STPG2: variants seen among roughly 807,000 people sequenced by gnomAD.
The protein encoded by STPG2 is sperm-tail PG-rich repeat-containing protein 2.
In STPG2, 56 loss-of-function variants were observed where a neutral mutation model predicts 54.2. The observed-to-expected ratio is 1.03, with a 90% CI of 0.83 to 1.29. The LOEUF (loss-of-function observed/expected upper bound fraction) is 1.29, where lower values mean the gene tolerates loss of function less well. STPG2 is among the 50% of genes most tolerant of loss of function. The pLI, the probability that STPG2 is intolerant of heterozygous loss-of-function variation, is 0.00. For missense variants in STPG2, 596 were observed against 544.9 expected (o/e 1.09, Z -0.93); for synonymous variants, 200 against 181.8 (o/e 1.10, Z -0.81).
chr4:97,838,487 T>C (rs1728698432), intron 9 of STPG2, among the ~76,000 whole-genome samples: 2 of 150,988 alleles, frequency 1.3e-5, no homozygotes, highest in Admixed American at 1.3e-4. Flanking sequence ...TATGTATATA[T>C]TAATATTAAA....
At chr4:97,918,584 TACAC>T (rs1353131541) in intron 8 of STPG2, among the ~76,000 whole-genome samples, 1 of 151,912 alleles carries the variant, frequency 6.6e-6, no homozygotes, top group Non-Finnish European at 1.5e-5. Context: ...TGTATATGTA[TACAC>T]ATATATATAC....
chr4:97,934,240 T>TA (rs1290835836), intron 8 of STPG2, among the ~76,000 whole-genome samples: 2 of 152,140 alleles, frequency 1.3e-5, no homozygotes, highest in African/African-American at 2.4e-5. Flanking sequence ...TGAAGTTCCT[T>TA]TCAGCTTAAG....
chr4:97,813,238 T>TAA (rs35086328), intron 9 of STPG2, among the ~76,000 whole-genome samples: 243 of 151,348 alleles, frequency 1.6e-3, no homozygotes, highest in African/African-American at 5.7e-3. Flanking sequence ...GTAAAAACAG[T>TAA]AAAAAAAATA....
intron 9 of STPG2, among the ~76,000 whole-genome samples, chr4:97,745,255 C>CAA (rs56187258): frequency 1.3e-5 from 1 of 79,632 alleles, no homozygotes; most frequent in African/African-American, 5.0e-5. Flanking sequence ...AAAAAAAAAA[C>CAA]AAAAAAACAA....
chr4:97,456,130 A>G (rs567674476), intron 4 of STPG2, among the ~76,000 whole-genome samples: 2 of 152,372 alleles, frequency 1.3e-5, no homozygotes, highest in East Asian at 3.9e-4. Flanking sequence ...CATTTGTAAA[A>G]GACATATTTG....
At chr4:97,445,328 C>T (rs1017984611) in intron 4 of STPG2, among the ~76,000 whole-genome samples, 1 of 152,088 alleles carries the variant, frequency 6.6e-6, no homozygotes, top group South Asian at 2.1e-4. Context: ...TTTTTCTATA[C>T]AATCTACTGA....
chr4:97,981,356 T>C (rs1343377131), intron 5 of STPG2, 38 bp from the exon 6 acceptor site: 2 of 1,602,626 alleles, frequency 1.2e-6, no homozygotes, highest in Non-Finnish European at 1.7e-6. Flanking sequence ...TAAGAAAGTA[T>C]AGTACATTTT....
At position 97,768,955 on chromosome 4, in the gene STPG2, G is replaced by A. The variant is rs553605978; in HGVS notation, c.1205-56141C>T. ...TCTCTTACCAGGCAAAAAAGGAGGG[G>A]CAGTGTCAGGCAGTTGGTTGATAAC... On this transcript the variant is annotated intron_variant, in intron 9 of 10. Transcript: ENST00000295268. Among the ~76,000 whole-genome samples, 21 of 152,230 alleles carry A rather than the reference G, an allele frequency of 1.4e-4. No homozygotes were observed. In the South Asian group the frequency reaches 3.5e-3, roughly 26 times the overall value.
chr4:97,536,420 GCTCTGTCT>G (rs1731532769), intron 4 of STPG2, among the ~76,000 whole-genome samples: 2 of 152,250 alleles, frequency 1.3e-5, no homozygotes, highest in South Asian at 4.1e-4. Context: ...TTCCCCTTGA[GCTCTGTCT>G]CTCTCCTGAT....
At chr4:97,640,107 A>G (rs1721715119) in intron 10 of STPG2, among the ~76,000 whole-genome samples, 1 of 152,070 alleles carries the variant, frequency 6.6e-6, no homozygotes, top group Admixed American at 6.6e-5. Context: ...CTTGCCATTG[A>G]CATGTGACAC....
intron 10 of STPG2, among the ~76,000 whole-genome samples, chr4:97,696,668 C>T (rs1427421105): frequency 1.3e-5 from 2 of 152,112 alleles, no homozygotes; most frequent in African/African-American, 4.8e-5. Flanking sequence ...GAACTTAAAA[C>T]AAGTCAGCAA....
chr4:97,752,285 C>A (rs775675175), intron 9 of STPG2, among the ~76,000 whole-genome samples: 3 of 151,544 alleles, frequency 2.0e-5, no homozygotes, highest in Non-Finnish European at 4.4e-5. Context: ...AAAGGTATAA[C>A]CTTTAAATGA....
chr4:98,136,121 A>G (rs1740127426), intron 1 of STPG2, among the ~76,000 whole-genome samples: 1 of 151,670 alleles, frequency 6.6e-6, no homozygotes, highest in African/African-American at 2.4e-5. Flanking sequence ...AAAAAGATGA[A>G]CATGATGAGA....
chr4:97,622,157 C>A (rs1734027739), intron 10 of STPG2, among the ~76,000 whole-genome samples: 1 of 152,156 alleles, frequency 6.6e-6, no homozygotes, highest in Admixed American at 6.5e-5. Flanking sequence ...ATGACAAACT[C>A]ACAGCCAACA....
chr4:97,613,574 T>G, intron 10 of STPG2, among the ~76,000 whole-genome samples: 1 of 151,644 alleles, frequency 6.6e-6, no homozygotes, highest in African/African-American at 2.4e-5. Context: ...ACATTCCATC[T>G]CCTGGAGGTG....
At chr4:97,865,073 A>G (rs976874877) in intron 8 of STPG2, among the ~76,000 whole-genome samples, 1 of 152,206 alleles carries the variant, frequency 6.6e-6, no homozygotes, top group Non-Finnish European at 1.5e-5. Flanking sequence ...AATGGCAACA[A>G]AAGCCAAAAT....
chr4:97,689,582 T>G (rs1300977939), intron 10 of STPG2, among the ~76,000 whole-genome samples: 1 of 152,142 alleles, frequency 6.6e-6, no homozygotes, highest in Non-Finnish European at 1.5e-5. Flanking sequence ...AGAAAAGTTT[T>G]TTCTCCTCTT....
At chr4:97,448,397 C>T (rs1020596603) in intron 4 of STPG2, among the ~76,000 whole-genome samples, 5 of 152,040 alleles carry the variant, frequency 3.3e-5, no homozygotes, top group Admixed American at 1.3e-4. Context: ...GTGTCCCCAC[C>T]GAAATCTCAT....
Position 98,109,252 on chromosome 4 carries a change from T to C in STPG2, c.441A>G (p.Ser147=), listed in dbSNP as rs570304819. ...ACTTTTTAGGTAACTCTTGTCTTCCTGAAGAGTTGCCAAAATGTATACCTT... is the reference window on the plus strand; with the variant it reads ...ACTTTTTAGGTAACTCTTGTCTTCCCGAAGAGTTGCCAAAATGTATACCTT... The part of the protein sequence containing the change: ...KYKGIHFGNS[S]GRQELPKKSG... Residue 147 remains serine, a synonymous_variant, in exon 4 of 11, where the codon TCA becomes TCG. Transcript: ENST00000295268. 6 of 1,611,632 alleles carry C rather than the reference T, an allele frequency of 3.7e-6. No homozygotes were observed. The South Asian group carries it at 4.4e-5, about 12-fold the overall frequency.
Sources: gnomAD v4.1 joint callset for allele counts (sites outside exome capture counted in the v4.1 genomes callset) on GRCh38, gnomAD v4.1.1 for gene constraint, MANE v1.5 for transcripts, NCBI Gene and HGNC (gene_info 2026-07-23, HGNC 2026-07-21) for gene names.